The following UGT2A2 variants were observed in gnomAD, a reference collection of about 807,000 sequenced individuals.
UGT2A2 encodes UDP glucuronosyltransferase family 2 member A2.
Under a neutral mutation model 50.7 loss-of-function variants are expected in UGT2A2, and 60 were observed. The observed-to-expected ratio is 1.18, with a 90% CI of 0.96 to 1.47. The LOEUF is 1.47. Ranked by LOEUF, UGT2A2 falls within the 40% of genes most tolerant of loss-of-function variation. The pLI is 0.00. For missense variants in UGT2A2, 762 were observed against 634.0 expected (o/e 1.20, Z -2.17); for synonymous variants, 242 against 214.6 (o/e 1.13, Z -1.11).
intron 1 of UGT2A2, among the ~76,000 whole-genome samples, chr4:69,627,462 AAGCAGGCAGGCAGGCAGG>A (rs2109948393): frequency 1.6e-5 from 1 of 64,390 alleles, no homozygotes; most frequent in African/African-American, 7.5e-5. Context: ...GCAGACAGGC[AAGCAGGCAGGCAGGCAGG>A]CAGGCAGGCA....
intron 2 of UGT2A2, among the ~76,000 whole-genome samples, chr4:69,598,395 G>T (rs1719062063): frequency 6.6e-6 from 1 of 151,908 alleles, no homozygotes; most frequent in Non-Finnish European, 1.5e-5. Flanking sequence ...ACTCTATTTT[G>T]CTTCTCAACA....
Position 69,621,827 on chromosome 4 carries a change from AG to A in UGT2A2, c.742+17071del, listed in dbSNP as rs766291542. 3.7e-4 allele frequency among the ~76,000 whole-genome samples: 56 copies of A among 152,110 alleles called. 1 individual carries two copies. The highest frequency in any genetic ancestry group is 7.1e-4 in the Non-Finnish European group (48 of 67,952). On this transcript the variant is annotated intron_variant, in intron 1 of 5. Coordinates refer to ENST00000604629, the MANE Select transcript of UGT2A2 (RefSeq NM_001105677.2). ...CATAGAAAACTACACAGCCATAAAA[AG>A]GAAAGAGAACATGTTTTTTGCAGGA...
chr4:69,608,273 A>T (rs1410711788), intron 1 of UGT2A2, among the ~76,000 whole-genome samples: 1 of 152,098 alleles, frequency 6.6e-6, no homozygotes. Flanking sequence ...CTTTGCAGGG[A>T]CATGGATGAA....
Position 69,638,951 on chromosome 4 carries a change from A to G in UGT2A2, c.690T>C (p.Tyr230=), listed in dbSNP as rs1560493471. 1.2e-6 allele frequency: 2 copies of G among 1,612,496 alleles called. No individual in the cohort carries two copies. Among genetic ancestry groups the G allele is most frequent in the African/African-American group, 1.3e-5 (1 of 74,896 alleles). ...KNTISYSLQD[Y]IFQSYWGEWN... is the part of the protein sequence containing the mutation. The stretch of plus-strand genomic sequence containing the variant: ...ATTCTCCCCAGTAGGACTGAAATAT[A>G]TAGTCTTGCAGAGAATAAGATATGG... Residue 230 remains tyrosine (Y), a synonymous_variant, in exon 1 of 6, where the codon TAT becomes TAC. Transcript: ENST00000604629.
intron 1 of UGT2A2, among the ~76,000 whole-genome samples, chr4:69,630,890 A>T (rs1013197201): frequency 6.6e-6 from 1 of 151,980 alleles, no homozygotes; most frequent in South Asian, 2.1e-4. Flanking sequence ...ATATATATAC[A>T]TACATGTAAG....
At chr4:69,617,728 G>A (rs72637475) in intron 1 of UGT2A2, among the ~76,000 whole-genome samples, 30 of 151,766 alleles carry the variant, frequency 2.0e-4, no homozygotes, top group Non-Finnish European at 3.2e-4. Context: ...ATTATTGGGA[G>A]TTAACATTTC....
intron 1 of UGT2A2, among the ~76,000 whole-genome samples, chr4:69,616,326 G>A (rs1720381196): frequency 6.6e-6 from 1 of 151,828 alleles, no homozygotes; most frequent in Admixed American, 6.6e-5. Flanking sequence ...TAGCACAATA[G>A]GATGACTATA....
intron 1 of UGT2A2, among the ~76,000 whole-genome samples, chr4:69,627,477 C>T (rs1054843735): frequency 1.6e-5 from 1 of 61,616 alleles, no homozygotes; most frequent in African/African-American, 7.9e-5. Context: ...GGCAGGCAGG[C>T]AGGCAGGCAG....
intron 5 of UGT2A2, 99 bp downstream of exon 5, chr4:69,594,378 T>C (rs2109879490): frequency 2.1e-6 from 3 of 1,454,650 alleles, no homozygotes; most frequent in Non-Finnish European, 2.8e-6. Context: ...ATGGTTGTTA[T>C]TGGAAAATAA....
At chr4:69,620,409 A>G (rs985294004) in intron 1 of UGT2A2, among the ~76,000 whole-genome samples, 1 of 132,542 alleles carries the variant, frequency 7.5e-6, no homozygotes, top group African/African-American at 3.0e-5. Context: ...ATGCCTAGGA[A>G]TACAGCTAAC....
intron 1 of UGT2A2, among the ~76,000 whole-genome samples, chr4:69,600,896 TC>T (rs1168570317): frequency 6.6e-6 from 1 of 152,050 alleles, no homozygotes; most frequent in African/African-American, 2.4e-5. Context: ...TCATGAATAC[TC>T]TACCCCCATG....
chr4:69,632,266 G>A lies in UGT2A2; in HGVS notation c.742+6633C>T, dbSNP rs1168020837. 4.6e-5 allele frequency among the ~76,000 whole-genome samples: 7 copies of A among 152,168 alleles called. No individual in the cohort carries two copies. The South Asian group carries it at 1.2e-3, about 27-fold the overall frequency. ...TGAAGGAAGAGGGAAGGCATAACAT[G>A]TAATGTTACAAAGCTCAAAAGGACT... is the stretch of plus-strand genomic sequence containing the variant. On this transcript the variant is annotated intron_variant, in intron 1 of 5. Transcript: ENST00000604629.
chr4:69,609,423 C>T (rs772865863), intron 1 of UGT2A2, among the ~76,000 whole-genome samples: 19 of 152,052 alleles, frequency 1.2e-4, no homozygotes, highest in Non-Finnish European at 2.5e-4. Context: ...TGGCCTCAAA[C>T]TCCTGGGCTC....
At chr4:69,627,231 T>G (rs1033731729) in intron 1 of UGT2A2, among the ~76,000 whole-genome samples, 1 of 151,816 alleles carries the variant, frequency 6.6e-6, no homozygotes, top group South Asian at 2.1e-4. Context: ...TAAGTCTTAA[T>G]AAATATGTGA....
At chr4:69,611,668 G>C (rs1005359142) in intron 1 of UGT2A2, among the ~76,000 whole-genome samples, 2 of 151,940 alleles carry the variant, frequency 1.3e-5, no homozygotes, top group Non-Finnish European at 2.9e-5. Context: ...CATTAGGCTG[G>C]GTTAAATATA....
intron 1 of UGT2A2, chr4:69,635,846 AAAAAGAG>A (rs1721667066): frequency 1.5e-5 from 2 of 137,110 alleles, no homozygotes; most frequent in African/African-American, 3.5e-5. Flanking sequence ...AAAAAAAAAA[AAAAAGAG>A]AGAGAGAGAG....
At position 69,589,081 on chromosome 4, in the gene UGT2A2, GA is replaced by G; in HGVS notation, c.*290del. 4.2e-6 allele frequency: 1 copy of G among 240,230 alleles called. No individual in the cohort carries two copies. Among genetic ancestry groups the G allele is most frequent in the African/African-American group, 2.3e-5 (1 of 44,436 alleles). The allele number at this position is 240,230 out of a possible 1,614,324, so 14.9% of individuals were successfully genotyped here. ...ATAAAATAATTTGATACTATGAATA[GA>G]ACATATTTAAAATTAGGTAGTATCC... On this transcript the variant is annotated 3_prime_UTR_variant, in exon 6 of 6. Transcript: ENST00000604629.
At chr4:69,615,409 A>G (rs1720320318) in intron 1 of UGT2A2, among the ~76,000 whole-genome samples, 1 of 152,086 alleles carries the variant, frequency 6.6e-6, no homozygotes, top group African/African-American at 2.4e-5. Context: ...TGCACATTAA[A>G]GAAAACAATC....
At chr4:69,632,740 T>C (rs967823360) in intron 1 of UGT2A2, among the ~76,000 whole-genome samples, 1 of 151,788 alleles carries the variant, frequency 6.6e-6, no homozygotes, top group Non-Finnish European at 1.5e-5. Context: ...ATACAAAAAT[T>C]AGCCAGACAT....
Sources: gnomAD v4.1 joint callset for allele counts (sites outside exome capture counted in the v4.1 genomes callset) on GRCh38, gnomAD v4.1.1 for gene constraint, MANE v1.5 for transcripts, NCBI Gene and HGNC (gene_info 2026-07-23, HGNC 2026-07-21) for gene names.